CARMIL1: variants seen among roughly 807,000 people sequenced by gnomAD.
CARMIL1 encodes the protein F-actin-uncapping protein LRRC16A.
In CARMIL1, 90 loss-of-function variants were observed where a neutral mutation model predicts 177.1. The observed-to-expected ratio is 0.51, with a 90% CI of 0.43 to 0.61. The LOEUF (loss-of-function observed/expected upper bound fraction) is 0.61. CARMIL1 is among the 20% of genes least tolerant of loss of function. The pLI, the probability that CARMIL1 is intolerant of heterozygous loss-of-function variation, is 0.00. For missense variants in CARMIL1, 1,380 were observed against 1,667.0 expected (o/e 0.83, Z 3.00); for synonymous variants, 577 against 606.2 (o/e 0.95, Z 0.71).
intron 2 of CARMIL1, among the ~76,000 whole-genome samples, chr6:25,296,893 T>TC (rs1782404702): frequency 2.3e-5 from 2 of 85,938 alleles, no homozygotes; most frequent in Non-Finnish European, 4.5e-5. Flanking sequence ...ATATCTATCT[T>TC]TATCTATCTA....
At chr6:25,432,891 C>T (rs1796931550) in intron 4 of CARMIL1, 1 of 118,654 alleles carries the variant, frequency 8.4e-6, no homozygotes, top group Non-Finnish European at 1.8e-5. Context: ...ACATAAGTTA[C>T]TATGGCTTAT....
intron 1 of CARMIL1, among the ~76,000 whole-genome samples, chr6:25,282,922 A>G (rs1020940966): frequency 6.6e-6 from 1 of 152,238 alleles, no homozygotes; most frequent in South Asian, 2.1e-4. Context: ...CACCTAGTAG[A>G]GTACCTGACA....
At chr6:25,371,446 G>A (rs1790421860) in intron 2 of CARMIL1, among the ~76,000 whole-genome samples, 1 of 152,096 alleles carries the variant, frequency 6.6e-6, no homozygotes, top group Admixed American at 6.5e-5. Flanking sequence ...TTTAGTAATG[G>A]CCATTCTGGC....
At chr6:25,477,687 T>C (rs1313973277) in intron 11 of CARMIL1, among the ~76,000 whole-genome samples, 1 of 152,118 alleles carries the variant, frequency 6.6e-6, no homozygotes, top group Non-Finnish European at 1.5e-5. Context: ...CAGGGGAAAC[T>C]TTAGTTTTAG....
rs367550359 is a variant in CARMIL1, at chr6:25,485,793, A to AT, written c.962-2682dup. ...TCTTGAAATGTTTGTTTATTTATTT[A>AT]TTTTTTTAAATTGACTTCTTGAAGT... is the stretch of plus-strand genomic sequence containing the variant. On this transcript the variant is annotated intron_variant, in intron 12 of 36. Transcript: ENST00000329474. Among the ~76,000 whole-genome samples the AT allele has an allele frequency of 3.8e-4, 58 of 152,196 alleles. No individual in the cohort carries two copies. In the East Asian group the frequency reaches 8.1e-3, roughly 21 times the overall value.
intron 11 of CARMIL1, among the ~76,000 whole-genome samples, chr6:25,481,853 T>C (rs1802148773): frequency 6.6e-6 from 1 of 152,220 alleles, no homozygotes; most frequent in Admixed American, 6.5e-5. Context: ...TCCATTCTTC[T>C]TGGCAATAAT....
At chr6:25,461,390 G>A (rs946101004) in intron 8 of CARMIL1, among the ~76,000 whole-genome samples, 1 of 152,126 alleles carries the variant, frequency 6.6e-6, no homozygotes, top group Non-Finnish European at 1.5e-5. Flanking sequence ...CAAACTTAAT[G>A]GCCACAGCAA....
intron 2 of CARMIL1, among the ~76,000 whole-genome samples, chr6:25,418,258 A>G (rs1231949840): frequency 6.6e-6 from 1 of 152,220 alleles, no homozygotes; most frequent in African/African-American, 2.4e-5. Context: ...GACACCCTAC[A>G]AGCAGGATGC....
intron 22 of CARMIL1, 52 bp downstream of exon 22, chr6:25,517,467 T>G (rs1318999372): frequency 7.2e-7 from 1 of 1,383,706 alleles, no homozygotes; most frequent in African/African-American, 1.4e-5. Flanking sequence ...CAAAAACCAA[T>G]GGTATATATG....
At chr6:25,604,919 C>G (rs1425939543) in intron 34 of CARMIL1, 26 bp downstream of exon 34, 30 of 1,554,114 alleles carry the variant, frequency 1.9e-5, no homozygotes, top group Non-Finnish European at 2.4e-5. Flanking sequence ...GCCATCACCC[C>G]CTTAGGAAAA....
intron 2 of CARMIL1, among the ~76,000 whole-genome samples, chr6:25,328,340 A>C (rs1045647453): frequency 4.7e-5 from 7 of 149,632 alleles, no homozygotes; most frequent in Middle Eastern, 6.8e-3. Context: ...ATGGAACAGG[A>C]AGACTCTGTA....
At chr6:25,282,154 T>C (rs966419694) in intron 1 of CARMIL1, among the ~76,000 whole-genome samples, 4 of 150,566 alleles carry the variant, frequency 2.7e-5, no homozygotes, top group East Asian at 1.9e-4. Context: ...ATAGACTTTA[T>C]GTAGAAACAA....
intron 26 of CARMIL1, among the ~76,000 whole-genome samples, chr6:25,545,521 T>C (rs1400199989): frequency 6.6e-6 from 1 of 152,166 alleles, no homozygotes; most frequent in Non-Finnish European, 1.5e-5. Context: ...CTGTCCATAA[T>C]TGATAGATCA....
intron 2 of CARMIL1, among the ~76,000 whole-genome samples, chr6:25,329,912 CAT>C (rs1581583219): frequency 3.9e-5 from 6 of 152,202 alleles, no homozygotes; most frequent in Admixed American, 3.3e-4. Flanking sequence ...AGCTCATTAT[CAT>C]TAGTCTCTGA....
chr6:25,514,274 C>T (rs766414894), intron 20 of CARMIL1, among the ~76,000 whole-genome samples: 6 of 152,036 alleles, frequency 3.9e-5, no homozygotes, highest in Non-Finnish European at 7.4e-5. Flanking sequence ...AGGCCTGGTG[C>T]GGTGGTTCAC....
intron 13 of CARMIL1, among the ~76,000 whole-genome samples, chr6:25,490,003 A>C (rs1330536722): frequency 2.0e-5 from 3 of 152,070 alleles, no homozygotes; most frequent in African/African-American, 7.3e-5. Flanking sequence ...CTAAAACAAC[A>C]AAATAGCTCA....
At chr6:25,551,914 C>T (rs768707689) in intron 27 of CARMIL1, among the ~76,000 whole-genome samples, 4 of 151,920 alleles carry the variant, frequency 2.6e-5, no homozygotes, top group East Asian at 1.9e-4. Context: ...GAAAAACGAG[C>T]GAAAAACAAA....
intron 8 of CARMIL1, among the ~76,000 whole-genome samples, chr6:25,459,210 T>TTTTCTTTCTTTCTTTTTCTTTCTTTC (rs1799797762): frequency 1.2e-5 from 1 of 80,136 alleles, no homozygotes; most frequent in Non-Finnish European, 2.5e-5. Flanking sequence ...GATCCCAACT[T>TTTTCTTTCTTTCTTTTTCTTTCTTTC]TTTCTTTCTT....
Position 25,509,913 on chromosome 6 carries a change from T to C in CARMIL1, c.1477+176T>C, listed in dbSNP as rs1805301243. 6.6e-6 allele frequency among the ~76,000 whole-genome samples: 1 copy of C among 152,212 alleles called. No homozygotes were observed. Among genetic ancestry groups the C allele is most frequent in the African/African-American group, 2.4e-5 (1 of 41,464 alleles). Reference sequence around the variant, plus strand: ...GGGGTATATTTGTAGAATAGATCTGTGCCAGAGTCTTACTAAGTTGACTCT... The same window carrying C: ...GGGGTATATTTGTAGAATAGATCTGCGCCAGAGTCTTACTAAGTTGACTCT... On this transcript the variant is annotated intron_variant, in intron 18 of 36. Transcript: ENST00000329474. The surrounding 1 kb of genome is among the most constrained non-coding windows in gnomAD (Gnocchi z 4.1).
Sources: allele counts gnomAD v4.1 joint callset (sites outside exome capture counted in the v4.1 genomes callset), GRCh38; gene constraint gnomAD v4.1.1; non-coding constraint Gnocchi (gnomAD v3.1); transcripts MANE v1.5; gene names NCBI Gene and HGNC (gene_info 2026-07-23, HGNC 2026-07-21).